Variants in GLIS3 observed in about 807,000 individuals in gnomAD.
The protein encoded by GLIS3 is zinc finger protein GLIS3.
A neutral mutation model predicts 78.6 loss-of-function variants in GLIS3; 53 were observed. That is an observed-to-expected ratio of 0.67 (90% CI 0.54 to 0.85). The LOEUF is 0.85. Among genes scored for constraint, GLIS3 ranks in the 40% least tolerant of loss-of-function variants. GLIS3 has a pLI of 0.00. For synonymous variants in GLIS3, 684 were observed against 509.9 expected (o/e 1.34, Z -4.60); for missense variants, 1,703 against 1,231.1 (o/e 1.38, Z -5.74).
the GLIS3 span, among the ~76,000 whole-genome samples, chr9:4,371,541 G>A: frequency 6.6e-6 from 1 of 152,124 alleles, no homozygotes; most frequent in Non-Finnish European, 1.5e-5. Context: ...TCGCTGCCTA[G>A]ACTTGCCAAT....
chr9:4,007,936 T>A (rs192040826), intron 4 of GLIS3, among the ~76,000 whole-genome samples: 3 of 150,778 alleles, frequency 2.0e-5, no homozygotes, highest in Admixed American at 6.6e-5. Flanking sequence ...TCACTCCAGA[T>A]AGCTTGGGCC....
intron 4 of GLIS3, chr9:4,034,896 T>C (rs896518226): frequency 6.6e-6 from 1 of 152,088 alleles, no homozygotes; most frequent in African/African-American, 2.4e-5. Context: ...AACACAAATG[T>C]GTGTGTGGCA....
At chr9:4,228,831 G>A (rs1245257874) in intron 2 of GLIS3, among the ~76,000 whole-genome samples, 1 of 152,134 alleles carries the variant, frequency 6.6e-6, no homozygotes, top group Non-Finnish European at 1.5e-5. Flanking sequence ...GCCACACAGT[G>A]GAACTCTGCT....
chr9:4,122,132 G>A (rs10974339), intron 3 of GLIS3, among the ~76,000 whole-genome samples: 59,935 of 152,074 alleles, frequency 0.39, 12,244 homozygotes, highest in South Asian at 0.49. Context: ...TAGGGTGGCT[G>A]GTTAACCAAG....
chr9:4,330,069 G>A (rs555533082), intron 2 of GLIS3, among the ~76,000 whole-genome samples: 1 of 152,094 alleles, frequency 6.6e-6, no homozygotes, highest in Non-Finnish European at 1.5e-5. Flanking sequence ...CTTTCCATCA[G>A]GAATGCAAAT....
chr9:4,140,686 C>T (rs951401909), intron 2 of GLIS3, among the ~76,000 whole-genome samples: 1 of 152,140 alleles, frequency 6.6e-6, no homozygotes, highest in Non-Finnish European at 1.5e-5. Context: ...AAAGCCCATT[C>T]AGCAGCTCAT....
At chr9:4,024,153 A>T (rs1211769761) in intron 4 of GLIS3, among the ~76,000 whole-genome samples, 1 of 152,216 alleles carries the variant, frequency 6.6e-6, no homozygotes, top group Non-Finnish European at 1.5e-5. Context: ...AGCCAGAGCG[A>T]GGCAATTCTC....
intron 9 of GLIS3, among the ~76,000 whole-genome samples, chr9:3,830,350 A>T (rs1412534093): frequency 1.3e-5 from 2 of 152,072 alleles, no homozygotes; most frequent in African/African-American, 4.8e-5. Flanking sequence ...ATTTTCTTGG[A>T]GTATAATATG....
At chr9:4,443,745 T>G in the GLIS3 span, among the ~76,000 whole-genome samples, 1 of 152,294 alleles carries the variant, frequency 6.6e-6, no homozygotes, top group East Asian at 1.9e-4. Flanking sequence ...ATATGTCAAA[T>G]GATTGCAAAG....
At chr9:3,932,983 A>G (rs955050968) in intron 5 of GLIS3, 2 of 252,870 alleles carry the variant, frequency 7.9e-6, no homozygotes, top group Admixed American at 8.9e-5. Context: ...AGTAAGAGAC[A>G]GTAGGTTTCA....
At chr9:4,153,167 C>G (rs1160747275) in intron 2 of GLIS3, among the ~76,000 whole-genome samples, 1 of 152,208 alleles carries the variant, frequency 6.6e-6, no homozygotes, top group Non-Finnish European at 1.5e-5. Flanking sequence ...GAGAAAACCA[C>G]TGAATTAATG....
chr9:4,086,324 C>G (rs1308999792), intron 4 of GLIS3, among the ~76,000 whole-genome samples: 1 of 152,214 alleles, frequency 6.6e-6, no homozygotes, highest in Non-Finnish European at 1.5e-5. Flanking sequence ...ATGAGTCATT[C>G]ATTCCCTCCT....
chr9:4,417,076 TATCAC>T, the GLIS3 span, among the ~76,000 whole-genome samples: 8 of 152,166 alleles, frequency 5.3e-5, no homozygotes, highest in Non-Finnish European at 1.2e-4. Flanking sequence ...GTTTAGAGTT[TATCAC>T]TGGAGACAGG....
At chr9:4,172,430 T>C (rs372557024) in intron 2 of GLIS3, among the ~76,000 whole-genome samples, 1 of 152,190 alleles carries the variant, frequency 6.6e-6, no homozygotes, top group Admixed American at 6.6e-5. Context: ...AGTACATTAA[T>C]TGGGAATCTG....
intron 4 of GLIS3, among the ~76,000 whole-genome samples, chr9:3,967,011 C>CAA (rs776900943): frequency 0.047 from 1,363 of 29,276 alleles, 111 homozygotes; most frequent in East Asian, 0.24. Context: ...TTTCTTTCTG[C>CAA]AAAAAAAAAA....
At chr9:4,309,741 A>T (rs1817313625) in intron 3 of GLIS3, among the ~76,000 whole-genome samples, 1 of 152,126 alleles carries the variant, frequency 6.6e-6, no homozygotes, top group African/African-American at 2.4e-5. Context: ...TATCTTTACC[A>T]GTTGGCCTAT....
Position 3,932,396 on chromosome 9 carries a change from C to G in GLIS3, c.1947G>C (p.Lys649Asn). The change falls in exon 6 of 11, where the codon AAG becomes AAC. Residue 649 changes from lysine to asparagine, a missense_variant. Lys to Asn is a moderately conservative substitution (Grantham distance 94, BLOSUM62 0). Coordinates refer to ENST00000381971, the MANE Select transcript of GLIS3 (RefSeq NM_001042413.2). ...TDPSSLRKHV[K>N]AHSSKEQQAR... ...CTTGTTGCTCTTTGGAAGAATGTGCCTTCACATGCTTTCTTAGGGAACTTG... is the reference window on the plus strand; with the variant it reads ...CTTGTTGCTCTTTGGAAGAATGTGCGTTCACATGCTTTCTTAGGGAACTTG... 4 of 1,613,870 alleles carry G rather than the reference C, an allele frequency of 2.5e-6. No homozygotes were observed. The highest frequency in any genetic ancestry group is 3.4e-6 in the Non-Finnish European group (4 of 1,179,768).
chr9:4,375,378 T>C, the GLIS3 span, among the ~76,000 whole-genome samples: 438 of 152,332 alleles, frequency 2.9e-3, 2 homozygotes, highest in African/African-American at 0.01. Context: ...TATCAAATTA[T>C]AGTATATACA....
At chr9:4,261,087 A>C (rs1171038830) in intron 2 of GLIS3, among the ~76,000 whole-genome samples, 1 of 152,224 alleles carries the variant, frequency 6.6e-6, no homozygotes, top group African/African-American at 2.4e-5. Context: ...AGTACAAGCT[A>C]ATCTTCCTAA....
Sources: allele counts gnomAD v4.1 joint callset (sites outside exome capture counted in the v4.1 genomes callset), GRCh38; gene constraint gnomAD v4.1.1; transcripts MANE v1.5; gene names NCBI Gene and HGNC (gene_info 2026-07-23, HGNC 2026-07-21).